The following BCAS3 variants were observed in gnomAD, a reference collection of about 807,000 sequenced individuals.
The protein encoded by BCAS3 is BCAS3 microtubule associated cell migration factor.
Under a neutral mutation model 116.1 loss-of-function variants are expected in BCAS3, and 53 were observed. The observed-to-expected ratio is 0.46, with a 90% CI of 0.37 to 0.57. The LOEUF is 0.57. Among genes scored for constraint, BCAS3 ranks in the 20% least tolerant of loss-of-function variants. The probability of loss-of-function intolerance (pLI) is 0.00; values close to 1 mark genes in which losing one functional copy is unlikely to be tolerated. For synonymous variants in BCAS3, 391 were observed against 408.2 expected (o/e 0.96, Z 0.51); for missense variants, 917 against 1,165.4 (o/e 0.79, Z 3.10).
rs184213897 is a variant in BCAS3 at position 61,087,928 on chromosome 17, A to G, written c.2425+3364A>G. On this transcript the variant is annotated intron_variant, in intron 22 of 23. Transcript: ENST00000407086. This position sits in a 1 kb window ranked among gnomAD's most constrained non-coding sequence, Gnocchi z 4.6. ...CTGGGCGCAGTGGATCACAACTATA[A>G]TCCTAGCACTTTGGGAGGCCGAAGC... 1.3e-5 allele frequency among the ~76,000 whole-genome samples: 2 copies of G among 152,244 alleles called. No homozygotes were observed. Among genetic ancestry groups the G allele is most frequent in the Non-Finnish European group, 2.9e-5 (2 of 68,014 alleles).
intron 22 of BCAS3, among the ~76,000 whole-genome samples, chr17:61,089,720 C>T (rs983543019): frequency 7.9e-5 from 12 of 151,388 alleles, no homozygotes; most frequent in South Asian, 2.1e-4. Flanking sequence ...TTAGTAGAGT[C>T]GGGGTTTCAC....
chr17:61,322,466 C>T (rs1221275418), intron 22 of BCAS3, among the ~76,000 whole-genome samples: 4 of 152,202 alleles, frequency 2.6e-5, no homozygotes, highest in Admixed American at 1.3e-4. Flanking sequence ...CCAAGCCTTC[C>T]GCCCTCCTCT....
rs59817434 is a variant in BCAS3 at position 61,332,470 on chromosome 17, T to G, written c.2426-35857T>G. On this transcript the variant is annotated intron_variant, in intron 22 of 23. Coordinates refer to ENST00000407086, the MANE Select transcript of BCAS3 (RefSeq NM_017679.5). The surrounding 1 kb of genome is among the most constrained non-coding windows in gnomAD (Gnocchi z 5.4). ...GGTTGGTAGGGCTTATGGCTCCATA[T>G]TGAAAGGAGGGAAACAATTTGACAG... Among the ~76,000 whole-genome samples the G allele has an allele frequency of 0.016, 2,455 of 152,230 alleles. 41 individuals are homozygous for G. The highest frequency in any genetic ancestry group is 0.049 in the Admixed American group (753 of 15,288).
intron 22 of BCAS3, among the ~76,000 whole-genome samples, chr17:61,148,008 A>C (rs955288481): frequency 2.6e-5 from 4 of 151,932 alleles, no homozygotes; most frequent in Non-Finnish European, 5.9e-5. Flanking sequence ...GAAAGAAAGA[A>C]ATGTATAAGT....
At chr17:60,989,459 TG>T (rs2063383518) in intron 14 of BCAS3, among the ~76,000 whole-genome samples, 1 of 151,228 alleles carries the variant, frequency 6.6e-6, no homozygotes, top group African/African-American at 2.5e-5. Flanking sequence ...GCTCACCACT[TG>T]TTTTTTGTAA....
At chr17:61,257,102 G>C (rs2048836677) in intron 22 of BCAS3, among the ~76,000 whole-genome samples, 1 of 152,122 alleles carries the variant, frequency 6.6e-6, no homozygotes, top group South Asian at 2.1e-4. Flanking sequence ...CTTAGGGAAA[G>C]AAACTCTAAA....
At chr17:61,043,947 A>C (rs1488743493) in intron 19 of BCAS3, among the ~76,000 whole-genome samples, 1 of 152,122 alleles carries the variant, frequency 6.6e-6, no homozygotes, top group Non-Finnish European at 1.5e-5. Context: ...TTCACTTTGC[A>C]AACATTTATT....
intron 2 of BCAS3, among the ~76,000 whole-genome samples, chr17:60,681,195 ACTGTGT>A (rs2033044100): frequency 6.6e-6 from 1 of 151,894 alleles, no homozygotes; most frequent in Admixed American, 6.6e-5. Context: ...ACAGAGTGAG[ACTGTGT>A]CTTAAAAAAA....
chr17:61,382,291 A>G, intron 23 of BCAS3, among the ~76,000 whole-genome samples: 1 of 148,478 alleles, frequency 6.7e-6, no homozygotes, highest in East Asian at 2.0e-4. Flanking sequence ...ACAGAGTTTC[A>G]CTCTTGTTGC....
intron 15 of BCAS3, among the ~76,000 whole-genome samples, chr17:61,000,806 C>A (rs1304934446): frequency 6.6e-6 from 1 of 152,120 alleles, no homozygotes; most frequent in Non-Finnish European, 1.5e-5. Context: ...TACACCAATG[C>A]AAAACCAAAA....
At chr17:61,336,447 C>T (rs568333460) in intron 22 of BCAS3, among the ~76,000 whole-genome samples, 7 of 152,292 alleles carry the variant, frequency 4.6e-5, no homozygotes, top group Admixed American at 2.6e-4. Flanking sequence ...CGTCCTCCCA[C>T]GGAGAGCTTC....
At chr17:60,769,181 G>A (rs2044403046) in intron 6 of BCAS3, among the ~76,000 whole-genome samples, 1 of 152,194 alleles carries the variant, frequency 6.6e-6, no homozygotes, top group Non-Finnish European at 1.5e-5. Flanking sequence ...GGCTGGATGA[G>A]TAGACTTGTC....
intron 5 of BCAS3, chr17:60,727,321 A>G: frequency 7.7e-7 from 1 of 1,296,858 alleles, no homozygotes; most frequent in South Asian, 1.2e-5. Context: ...TCTTCAGGAA[A>G]ACTGGCCTTC....
Position 60,810,598 on chromosome 17 carries a change from G to T in BCAS3, c.476+2522G>T, listed in dbSNP as rs566923601. 8.0e-4 allele frequency: 581 copies of T among 724,370 alleles called. 2 individuals are homozygous for T. Among genetic ancestry groups the T allele is most frequent in the Non-Finnish European group, 1.2e-3 (487 of 392,030 alleles). The allele number at this position is 724,370 out of a possible 1,614,324, so 44.9% of individuals were successfully genotyped here. A position where few individuals can be genotyped will look rare whatever the true frequency, so the allele number is the denominator to read the frequency against. On this transcript the variant is annotated intron_variant, in intron 7 of 23. Transcript: ENST00000407086. The stretch of plus-strand genomic sequence containing the variant: ...GAGGGCTCAGATCTTCCCAAATACT[G>T]TGGACAGTGCCTGCATCGTTCTGCA...
chr17:61,212,696 A>G (rs577132259), intron 22 of BCAS3, among the ~76,000 whole-genome samples: 2 of 152,308 alleles, frequency 1.3e-5, no homozygotes, highest in East Asian at 3.9e-4. Flanking sequence ...GCCTTTAGGC[A>G]GTGAGACTAT....
Position 61,189,155 on chromosome 17 carries a change from A to G in BCAS3, c.2425+104591A>G. Among the ~76,000 whole-genome samples the G allele has an allele frequency of 6.6e-6, 1 of 152,158 alleles. No homozygotes were observed. Among genetic ancestry groups the G allele is most frequent in the East Asian group, 1.9e-4 (1 of 5,196 alleles). ...AGAGAGAGAGAACAGCACACTTCAA[A>G]GGGTATGGTCTTTGTTGCTATGCTC... On this transcript the variant is annotated intron_variant, in intron 22 of 23. Transcript: ENST00000407086. The surrounding 1 kb of genome is among the most constrained non-coding windows in gnomAD (Gnocchi z 4.5).
chr17:60,920,969 G>C (rs2059051321), intron 12 of BCAS3, among the ~76,000 whole-genome samples: 1 of 152,158 alleles, frequency 6.6e-6, no homozygotes, highest in African/African-American at 2.4e-5. Context: ...TACACTGCTG[G>C]TGGGCATCTG....
intron 13 of BCAS3, among the ~76,000 whole-genome samples, chr17:60,931,545 A>G (rs1415672445): frequency 2.0e-5 from 3 of 152,104 alleles, no homozygotes; most frequent in East Asian, 1.9e-4. Flanking sequence ...CCAAAGTACT[A>G]GGATTACAGG....
chr17:61,376,129 G>C lies in BCAS3; in HGVS notation c.2593+7635G>C, dbSNP rs2059328065. Reference sequence around the variant, plus strand: ...AACTCATTGCAAGGCCATGGAAATAGGAACTGACAGTGTTGCCCCAGAAAG... The same window carrying C: ...AACTCATTGCAAGGCCATGGAAATACGAACTGACAGTGTTGCCCCAGAAAG... On this transcript the variant is annotated intron_variant, in intron 23 of 23. Coordinates refer to ENST00000407086, the MANE Select transcript of BCAS3 (RefSeq NM_017679.5). The surrounding 1 kb of genome is among the most constrained non-coding windows in gnomAD (Gnocchi z 4.5). Among the ~76,000 whole-genome samples, 1 of 152,170 alleles carries C rather than the reference G, an allele frequency of 6.6e-6. No individual in the cohort carries two copies. Among genetic ancestry groups the C allele is most frequent in the African/African-American group, 2.4e-5 (1 of 41,428 alleles).
Sources: allele counts gnomAD v4.1 joint callset (sites outside exome capture counted in the v4.1 genomes callset), GRCh38; gene constraint gnomAD v4.1.1; non-coding constraint Gnocchi (gnomAD v3.1); transcripts MANE v1.5; gene names NCBI Gene and HGNC (gene_info 2026-07-23, HGNC 2026-07-21).